The following ZNF423 variants were observed in gnomAD, a reference collection of about 807,000 sequenced individuals.
ZNF423 encodes the protein zinc finger protein 423.
ZNF423 carries 12 observed loss-of-function variants against 95.8 expected under a neutral mutation model. The ratio of observed to expected loss-of-function variants is 0.13; its 90% CI spans 0.08 to 0.20. The LOEUF (loss-of-function observed/expected upper bound fraction) is 0.20, where lower values mean the gene tolerates loss of function less well. Ranked by LOEUF, ZNF423 falls within the 10% of genes least tolerant of loss-of-function variation. The probability of loss-of-function intolerance (pLI) is 1.00; values close to 1 mark genes in which losing one functional copy is unlikely to be tolerated. For synonymous variants in ZNF423, 749 were observed against 711.9 expected (o/e 1.05, Z -0.83); for missense variants, 1,316 against 1,737.1 (o/e 0.76, Z 4.31).
intron 1 of ZNF423, among the ~76,000 whole-genome samples, chr16:49,804,951 G>A (rs1028772981): frequency 7.0e-6 from 1 of 143,776 alleles, no homozygotes; most frequent in African/African-American, 2.6e-5. Flanking sequence ...CCAGGCTGGA[G>A]TGCAGTGGCC....
intron 3 of ZNF423, among the ~76,000 whole-genome samples, chr16:49,727,892 C>T (rs752869273): frequency 1.3e-5 from 2 of 152,222 alleles, no homozygotes; most frequent in Non-Finnish European, 2.9e-5. Context: ...TGGTGAGAGT[C>T]CAGCAGACCC....
At chr16:49,792,951 A>G (rs1366361391) in intron 1 of ZNF423, among the ~76,000 whole-genome samples, 1 of 151,958 alleles carries the variant, frequency 6.6e-6, no homozygotes, top group African/African-American at 2.4e-5. Context: ...TATACTTTTT[A>G]TAGAGACAAG....
intron 5 of ZNF423, among the ~76,000 whole-genome samples, chr16:49,559,728 T>A (rs765753887): frequency 6.6e-6 from 1 of 152,218 alleles, no homozygotes; most frequent in Non-Finnish European, 1.5e-5. Flanking sequence ...ATCAGTATCA[T>A]CAGGACATTG....
intron 3 of ZNF423, among the ~76,000 whole-genome samples, chr16:49,640,350 A>T (rs1327156279): frequency 6.9e-6 from 1 of 144,410 alleles, no homozygotes; most frequent in Non-Finnish European, 1.6e-5. Flanking sequence ...TCACTCCCAC[A>T]CACTCACACT....
At chr16:49,849,735 G>A (rs887399801) in intron 1 of ZNF423, among the ~76,000 whole-genome samples, 1 of 152,012 alleles carries the variant, frequency 6.6e-6, no homozygotes, top group Non-Finnish European at 1.5e-5. Context: ...AACAACAAAG[G>A]GAAATTATAT....
chr16:49,720,255 G>A (rs1479030568), intron 3 of ZNF423, among the ~76,000 whole-genome samples: 1 of 152,250 alleles, frequency 6.6e-6, no homozygotes, highest in Non-Finnish European at 1.5e-5. Flanking sequence ...TGCAAACAGT[G>A]TGAGGTCCGT....
At chr16:49,633,172 C>T (rs1455201386) in intron 4 of ZNF423, among the ~76,000 whole-genome samples, 7 of 152,196 alleles carry the variant, frequency 4.6e-5, no homozygotes, top group African/African-American at 9.7e-5. Flanking sequence ...AGGCAAGCAA[C>T]CTCATTGTGG....
chr16:49,494,589 G>A (rs1178075287), intron 7 of ZNF423, among the ~76,000 whole-genome samples: 1 of 152,198 alleles, frequency 6.6e-6, no homozygotes, highest in African/African-American at 2.4e-5. Context: ...AACTGGTCAA[G>A]GTCACCCGAT....
intron 7 of ZNF423, among the ~76,000 whole-genome samples, chr16:49,520,840 A>G (rs1478159044): frequency 6.6e-6 from 1 of 152,258 alleles, no homozygotes; most frequent in African/African-American, 2.4e-5. Context: ...ATTGCTATTC[A>G]AGTTACTTAA....
At chr16:49,690,480 C>T (rs2031736695) in intron 3 of ZNF423, among the ~76,000 whole-genome samples, 1 of 152,222 alleles carries the variant, frequency 6.6e-6, no homozygotes, top group African/African-American at 2.4e-5. Flanking sequence ...TAAGATCGTG[C>T]CACTGCACTT....
In ZNF423 at chr16:49,637,183, G is replaced by A; in HGVS notation, c.1993C>T (p.Leu665=). 1 of 1,613,908 alleles carries A rather than the reference G, an allele frequency of 6.2e-7. No homozygotes were observed. The highest frequency in any genetic ancestry group is 8.5e-7 in the Non-Finnish European group (1 of 1,180,044). ...GGGCACGCTTGCTTCCGCAGCAGCA[G>A]CTCCAGGTGCAGCTTCAGGTGGGTC... ...FQTHLKLHLE[L]LLRKQACPQC... Residue 665 remains leucine (L), a synonymous_variant, in exon 4 of 8, where the codon CTG becomes TTG. Transcript: ENST00000563137. This position sits in a 1 kb window ranked among gnomAD's most constrained non-coding sequence, Gnocchi z 5.6.
At chr16:49,772,077 C>T (rs1023378626) in intron 2 of ZNF423, among the ~76,000 whole-genome samples, 3 of 152,202 alleles carry the variant, frequency 2.0e-5, no homozygotes, top group African/African-American at 7.2e-5. Flanking sequence ...CACCCTGTGT[C>T]ATCTGCAAGC....
intron 3 of ZNF423, among the ~76,000 whole-genome samples, chr16:49,726,935 C>T (rs903970100): frequency 1.4e-5 from 2 of 147,502 alleles, no homozygotes; most frequent in African/African-American, 5.0e-5. Context: ...TGTTATGTGA[C>T]AAACACAGAA....
At chr16:49,521,861 C>T (rs546245585) in intron 7 of ZNF423, among the ~76,000 whole-genome samples, 8 of 152,328 alleles carry the variant, frequency 5.3e-5, no homozygotes, top group South Asian at 2.1e-4. Flanking sequence ...TGAATCCCCC[C>T]GGTCCCCACA....
In ZNF423 at chr16:49,711,259, CA is replaced by C. The variant is rs1179494524; in HGVS notation, c.301+19511del. The C allele has an allele frequency of 2.0e-5, 3 of 152,252 alleles. No individual in the cohort carries two copies. In the East Asian group the frequency reaches 5.8e-4, roughly 29 times the overall value. 9.4% of individuals were successfully genotyped at this position (152,252 alleles called of 1,614,324 possible). ...AAGTGTTCCTACAGGGAGACGTGTA[CA>C]AGAATGTTTACTATAGTGAACAACT... On this transcript the variant is annotated intron_variant, in intron 3 of 7. Transcript: ENST00000563137.
At chr16:49,531,051 G>A (rs1005966250) in intron 5 of ZNF423, among the ~76,000 whole-genome samples, 15 of 152,238 alleles carry the variant, frequency 9.9e-5, no homozygotes, top group African/African-American at 3.6e-4. Flanking sequence ...ACAAGCGCCG[G>A]TTGGCAGCAG....
chr16:49,785,338 C>A (rs1278556214), intron 2 of ZNF423, among the ~76,000 whole-genome samples: 2 of 152,212 alleles, frequency 1.3e-5, no homozygotes, highest in Non-Finnish European at 2.9e-5. Context: ...GCCTTGACCT[C>A]ACAAAGTGCT....
intron 3 of ZNF423, among the ~76,000 whole-genome samples, chr16:49,723,907 C>T (rs140886647): frequency 5.8e-4 from 89 of 152,328 alleles, no homozygotes; most frequent in Middle Eastern, 3.4e-3. Flanking sequence ...CACACCACTT[C>T]GAATCCTTTC....
chr16:49,601,163 G>A (rs780281134), intron 5 of ZNF423, among the ~76,000 whole-genome samples: 5 of 152,166 alleles, frequency 3.3e-5, no homozygotes, highest in Non-Finnish European at 5.9e-5. Flanking sequence ...AGAGAACCCG[G>A]CTCCCTCTAG....
Sources: allele counts gnomAD v4.1 joint callset (sites outside exome capture counted in the v4.1 genomes callset), GRCh38; gene constraint gnomAD v4.1.1; non-coding constraint Gnocchi (gnomAD v3.1); transcripts MANE v1.5; gene names NCBI Gene and HGNC (gene_info 2026-07-23, HGNC 2026-07-21).